The following MANBA variants were observed in gnomAD, a reference collection of about 807,000 sequenced individuals.
MANBA encodes mannosidase beta.
MANBA carries 83 observed loss-of-function variants against 111.1 expected under a neutral mutation model. The observed-to-expected ratio is 0.75, with a 90% confidence interval of 0.63 to 0.90. The LOEUF is 0.90. Ranked by LOEUF, MANBA falls within the 40% of genes least tolerant of loss-of-function variation. The pLI, the probability that MANBA is intolerant of heterozygous loss-of-function variation, is 0.00. For synonymous variants in MANBA, 370 were observed against 378.7 expected, an observed-to-expected ratio of 0.98 and a Z score of 0.27; for missense variants, 1,036 against 1,069.0, an observed-to-expected ratio of 0.97 and a Z score of 0.43.
intron 1 of MANBA, among the ~76,000 whole-genome samples, chr4:102,735,226 T>G (rs1723170855): frequency 1.3e-5 from 2 of 152,228 alleles, no homozygotes; most frequent in African/African-American, 4.8e-5. Context: ...CTCTATCAGG[T>G]GCAAGGGATT....
chr4:102,684,108 TA>T lies in MANBA; in HGVS notation c.960+5465del, dbSNP rs78609643. Among the ~76,000 whole-genome samples, 768 of 142,220 alleles carry T rather than the reference TA, an allele frequency of 5.4e-3. 1 individual carries two copies. Among genetic ancestry groups the T allele is most frequent in the Admixed American group, 4.9e-3 (70 of 14,266 alleles). 93.3% of individuals were successfully genotyped at this position (142,220 alleles called of 152,430 possible). A position where few individuals can be genotyped will look rare whatever the true frequency, so the allele number is the denominator to read the frequency against. ...GCTGCTGTCTCCTGATATACTCAGT[TA>T]AAAAAAAAAAAAATCCTAAACACGT... On this transcript the variant is annotated intron_variant, in intron 7 of 16. Coordinates refer to ENST00000647097, the MANE Select transcript of MANBA (RefSeq NM_005908.4).
chr4:102,728,749 C>G (rs1722908774), intron 1 of MANBA: 2 of 875,566 alleles, frequency 2.3e-6, no homozygotes, highest in African/African-American at 3.4e-5. Flanking sequence ...CAGCTGTTCA[C>G]TTGGGCAGGA....
chr4:102,700,687 T>C (rs1477804086), intron 5 of MANBA, among the ~76,000 whole-genome samples: 1 of 152,152 alleles, frequency 6.6e-6, no homozygotes, highest in Non-Finnish European at 1.5e-5. Context: ...GTTTCTTAAT[T>C]CTGAGTTCTA....
chr4:102,698,257 C>T (rs1396953063), intron 5 of MANBA, among the ~76,000 whole-genome samples: 11 of 152,010 alleles, frequency 7.2e-5, no homozygotes, highest in Non-Finnish European at 1.5e-5. Context: ...TGGATATTAG[C>T]CCTTTGTCAG....
chr4:102,727,478 T>C, intron 1 of MANBA: 2 of 1,518,990 alleles, frequency 1.3e-6, no homozygotes, highest in Non-Finnish European at 1.8e-6. Context: ...AAGGTCCAGA[T>C]AACATGAGAA....
At position 102,760,916 on chromosome 4, in the gene MANBA, G is replaced by A. The variant is rs1473683829; in HGVS notation, c.-22C>T. 2.6e-6 allele frequency: 4 copies of A among 1,548,120 alleles called. No individual in the cohort carries two copies. Among genetic ancestry groups the A allele is most frequent in the Non-Finnish European group, 3.5e-6 (4 of 1,151,292 alleles). On this transcript the variant is annotated 5_prime_UTR_variant, in exon 1 of 17. Transcript: ENST00000647097. ...GCATCTTGAGATCCCGCGCCACCGA[G>A]ATGTGGAGAGATCGAAAGGCAGCGC...
Position 102,639,767 on chromosome 4 carries a change from C to G in MANBA, c.1960G>C (p.Ala654Pro), listed in dbSNP as rs201295643. 6.2e-7 allele frequency: 1 copy of G among 1,614,108 alleles called. No homozygotes were observed. The change falls in exon 14 of 17, where the codon GCA becomes CCA. Residue 654 changes from alanine to proline, a missense_variant. Ala to Pro is a conservative substitution (Grantham distance 27). Transcript: ENST00000647097. ...ATGTCATTCAACTGCCAATAAAGTG[C>G]CCCCATCGTGTGCCCTTGCTGATCC... ...IVDQQGHTMG[A>P]LYWQLNDIWQ... is the part of the protein sequence containing the mutation.
chr4:102,686,936 A>T (rs1260996663), intron 7 of MANBA, among the ~76,000 whole-genome samples: 2 of 152,146 alleles, frequency 1.3e-5, no homozygotes, highest in African/African-American at 4.8e-5. Context: ...CCCTAAGCTT[A>T]AGATCTATCT....
At chr4:102,694,266 C>T (rs1732609140) in intron 5 of MANBA, among the ~76,000 whole-genome samples, 1 of 152,134 alleles carries the variant, frequency 6.6e-6, no homozygotes, top group Admixed American at 6.6e-5. Flanking sequence ...ACAAAGTTAT[C>T]ACCAGATATA....
At chr4:102,752,439 C>A in intron 1 of MANBA, 1 of 808,568 alleles carries the variant, frequency 1.2e-6, no homozygotes. Context: ...GGTCTCCTAC[C>A]CATGAACAGC....
intron 5 of MANBA, among the ~76,000 whole-genome samples, chr4:102,710,456 G>A (rs186296816): frequency 1.3e-5 from 2 of 152,096 alleles, no homozygotes; most frequent in South Asian, 4.2e-4. Context: ...AACCAAAAAG[G>A]TGAAAGACCT....
At chr4:102,634,690 G>A in intron 16 of MANBA, 98 bp downstream of exon 16, 1 of 1,519,270 alleles carries the variant, frequency 6.6e-7, no homozygotes, top group Admixed American at 1.7e-5. Flanking sequence ...AGCACCAAGG[G>A]GGACACATGC....
chr4:102,709,679 G>A (rs1721966079), intron 5 of MANBA, among the ~76,000 whole-genome samples: 2 of 152,068 alleles, frequency 1.3e-5, no homozygotes, highest in South Asian at 4.1e-4. Flanking sequence ...AAACCACACA[G>A]AGAGGCAACA....
chr4:102,741,400 C>T (rs75477851), intron 1 of MANBA, among the ~76,000 whole-genome samples: 31 of 152,240 alleles, frequency 2.0e-4, no homozygotes, highest in Non-Finnish European at 3.8e-4. Context: ...AAGAACTAAA[C>T]GTAGAACTAC....
intron 9 of MANBA, 98 bp downstream of exon 9, chr4:102,671,183 T>C (rs906700155): frequency 3.6e-6 from 3 of 840,840 alleles, no homozygotes; most frequent in Non-Finnish European, 6.3e-6. Context: ...ATATCATTCC[T>C]AGCTCTGAGA....
chr4:102,672,756 G>T (rs1440711365), intron 8 of MANBA, among the ~76,000 whole-genome samples: 2 of 152,176 alleles, frequency 1.3e-5, no homozygotes, highest in Admixed American at 6.5e-5. Context: ...TGTGAACTGT[G>T]CATGCGAAGG....
At chr4:102,752,510 T>A (rs1032140204) in intron 1 of MANBA, 2 of 725,926 alleles carry the variant, frequency 2.8e-6, no homozygotes, top group Admixed American at 1.8e-5. Flanking sequence ...AGTTGTATGA[T>A]CTGGCTGCTC....
chr4:102,722,723 T>C (rs1000549514), intron 4 of MANBA, 148 bp downstream of exon 4: 2 of 772,786 alleles, frequency 2.6e-6, no homozygotes, highest in African/African-American at 3.5e-5. Context: ...ATCTTTTGGT[T>C]CTTATTTCAA....
intron 1 of MANBA, among the ~76,000 whole-genome samples, chr4:102,731,704 G>A (rs1723039904): frequency 6.6e-6 from 1 of 152,062 alleles, no homozygotes; most frequent in South Asian, 2.1e-4. Context: ...TGGCAGAGTT[G>A]AGTAGACATG....
Sources: gnomAD v4.1 joint callset for allele counts (sites outside exome capture counted in the v4.1 genomes callset) on GRCh38, gnomAD v4.1.1 for gene constraint, MANE v1.5 for transcripts, NCBI Gene and HGNC (gene_info 2026-07-23, HGNC 2026-07-21) for gene names.